MAP7: variants seen among roughly 807,000 people sequenced by gnomAD.
The protein encoded by MAP7 is microtubule associated protein 7, also known as ensconsin.
A neutral mutation model predicts 94.8 loss-of-function variants in MAP7; 52 were observed. The observed-to-expected ratio is 0.55, with a 90% CI of 0.44 to 0.69. The LOEUF is 0.69. MAP7 is among the 30% of genes least tolerant of loss of function. The pLI, the probability that MAP7 is intolerant of heterozygous loss-of-function variation, is 0.00. For missense variants in MAP7, 940 were observed against 964.6 expected (o/e 0.97, Z 0.34); for synonymous variants, 350 against 357.0 (o/e 0.98, Z 0.22).
intron 13 of MAP7, 49 bp from the exon 14 acceptor site, chr6:136,360,080 C>G: frequency 6.9e-7 from 1 of 1,444,074 alleles, no homozygotes; most frequent in Middle Eastern, 1.8e-4. Context: ...AGAAAAAAAG[C>G]CAGCCTGGCA....
intron 6 of MAP7, 114 bp downstream of exon 6, chr6:136,383,557 T>C (rs1228961415): frequency 3.6e-6 from 2 of 550,490 alleles, no homozygotes; most frequent in African/African-American, 2.0e-5. Flanking sequence ...TTTTTCTTCC[T>C]ATTTAAGAAA....
intron 2 of MAP7, among the ~76,000 whole-genome samples, chr6:136,416,927 A>G (rs952753145): frequency 2.6e-5 from 4 of 152,104 alleles, no homozygotes; most frequent in Non-Finnish European, 5.9e-5. Context: ...GCCCAGGCCT[A>G]TTTGAAAAAG....
chr6:136,346,195 A>T, intron 16 of MAP7, 116 bp from the exon 17 acceptor site: 1 of 631,888 alleles, frequency 1.6e-6, no homozygotes, highest in Non-Finnish European at 2.7e-6. Context: ...CAATTAAAAA[A>T]ATCAGACTGG....
At chr6:136,494,935 T>A (rs528249556) in intron 1 of MAP7, among the ~76,000 whole-genome samples, 2 of 152,100 alleles carry the variant, frequency 1.3e-5, no homozygotes, top group Non-Finnish European at 2.9e-5. Flanking sequence ...TGTACACACA[T>A]ACACACAAAC....
At chr6:136,487,304 C>T (rs1815085915) in intron 1 of MAP7, among the ~76,000 whole-genome samples, 2 of 152,300 alleles carry the variant, frequency 1.3e-5, no homozygotes, top group South Asian at 4.1e-4. Flanking sequence ...TAAACACACA[C>T]ATACGATAGA....
chr6:136,488,549 AT>A (rs1815519095), intron 1 of MAP7, among the ~76,000 whole-genome samples: 1 of 149,166 alleles, frequency 6.7e-6, no homozygotes, highest in African/African-American at 2.5e-5. Context: ...GGTTTAAGCG[AT>A]TCTCCTGCCT....
intron 5 of MAP7, among the ~76,000 whole-genome samples, chr6:136,387,511 C>T (rs1779486445): frequency 6.6e-6 from 1 of 152,112 alleles, no homozygotes; most frequent in Non-Finnish European, 1.5e-5. Flanking sequence ...GGGTATTAGG[C>T]ATGCGTTGAT....
chr6:136,490,806 A>G (rs932431852), intron 1 of MAP7, among the ~76,000 whole-genome samples: 1 of 152,102 alleles, frequency 6.6e-6, no homozygotes, highest in African/African-American at 2.4e-5. Context: ...TATTCCCATC[A>G]TCACTGCTTC....
Position 136,366,398 on chromosome 6 carries a change from G to C in MAP7, c.918C>G (p.Leu306=). The C allele has an allele frequency of 6.2e-7, 1 of 1,614,094 alleles. No individual in the cohort carries two copies. The highest frequency in any genetic ancestry group is 8.5e-7 in the Non-Finnish European group (1 of 1,179,930). ...ATACAGCCCTTCGGGTGCCAGATGT[G>C]AGGAAGAGTACATTTTCTCTCTCTC... ...KERERENVLF[L]TSGTRRAVSP... The change falls in exon 9 of 18, where the codon CTC becomes CTG. Residue 306 remains leucine (L), a synonymous_variant. Transcript: ENST00000354570.
At chr6:136,350,207 C>T (rs1008924303) in intron 16 of MAP7, among the ~76,000 whole-genome samples, 2 of 152,024 alleles carry the variant, frequency 1.3e-5, no homozygotes, top group Admixed American at 6.6e-5. Flanking sequence ...GCAGGGACCC[C>T]GAGCATTTCC....
chr6:136,477,515 T>C (rs1232647490), intron 1 of MAP7, among the ~76,000 whole-genome samples: 4 of 152,146 alleles, frequency 2.6e-5, no homozygotes, highest in African/African-American at 9.7e-5. Flanking sequence ...TAACTAAACT[T>C]ATATCGGACA....
At chr6:136,345,627 G>C (rs537830450) in intron 17 of MAP7, among the ~76,000 whole-genome samples, 2 of 152,162 alleles carry the variant, frequency 1.3e-5, no homozygotes, top group Non-Finnish European at 2.9e-5. Flanking sequence ...TGGGTGCTGC[G>C]GACTGGACTT....
At chr6:136,359,730 C>A in intron 15 of MAP7, 90 bp downstream of exon 15, 2 of 1,238,568 alleles carry the variant, frequency 1.6e-6, no homozygotes, top group Non-Finnish European at 2.3e-6. Flanking sequence ...GATCTTTTTT[C>A]CCTCCATCAA....
At chr6:136,537,197 A>G (rs1386224936) in intron 1 of MAP7, among the ~76,000 whole-genome samples, 1 of 151,456 alleles carries the variant, frequency 6.6e-6, no homozygotes, top group African/African-American at 2.4e-5. Context: ...GCAGATAAAT[A>G]TTGGACCTGA....
chr6:136,542,716 A>T (rs1829425542), intron 1 of MAP7, among the ~76,000 whole-genome samples: 2 of 148,960 alleles, frequency 1.3e-5, no homozygotes, highest in African/African-American at 2.4e-5. Flanking sequence ...GGTGTGTTAA[A>T]ATTAAAAAAA....
rs187446373 is a variant in MAP7 at position 136,364,746 on chromosome 6, C to T, written c.1273+989G>A. 2.5e-3 allele frequency: 401 copies of T among 162,022 alleles called. 4 individuals carry two copies. Among genetic ancestry groups the T allele is most frequent in the Middle Eastern group, 0.018 (6 of 340 alleles). 10.0% of individuals were successfully genotyped at this position (162,022 alleles called of 1,614,324 possible). A position where few individuals can be genotyped will look rare whatever the true frequency, so the allele number is the denominator to read the frequency against. ...GAGGACATTCAGCAATAATATGGAG[C>T]GGTCCATGTGTGGAGAAGCTGAGGC... On this transcript the variant is annotated intron_variant, in intron 10 of 17. Coordinates refer to ENST00000354570, the MANE Select transcript of MAP7 (RefSeq NM_003980.6).
chr6:136,348,235 C>T (rs1038535119), intron 16 of MAP7, among the ~76,000 whole-genome samples: 1 of 152,180 alleles, frequency 6.6e-6, no homozygotes, highest in African/African-American at 2.4e-5. Context: ...GCAACCTTAA[C>T]CTGTCACCTT....
chr6:136,489,732 T>C (rs1815972282), intron 1 of MAP7, among the ~76,000 whole-genome samples: 1 of 152,078 alleles, frequency 6.6e-6, no homozygotes, highest in Non-Finnish European at 1.5e-5. Flanking sequence ...TTTCACCATG[T>C]TGGCCGGGCT....
chr6:136,412,523 T>C (rs983199625), intron 2 of MAP7, among the ~76,000 whole-genome samples: 2 of 152,064 alleles, frequency 1.3e-5, no homozygotes, highest in Admixed American at 1.3e-4. Context: ...AGGAAAAGGA[T>C]GTTTAAATTT....
Sources: allele counts gnomAD v4.1 joint callset (sites outside exome capture counted in the v4.1 genomes callset), GRCh38; gene constraint gnomAD v4.1.1; transcripts MANE v1.5; gene names NCBI Gene and HGNC (gene_info 2026-07-23, HGNC 2026-07-21).